Variants in FNDC3B observed in about 807,000 individuals in gnomAD.
FNDC3B encodes the protein fibronectin type III domain-containing protein 3B.
FNDC3B carries 12 observed loss-of-function variants against 151.5 expected under a neutral mutation model. The observed-to-expected ratio is 0.08, with a 90% CI of 0.05 to 0.13. The LOEUF is 0.13. Ranked by LOEUF, FNDC3B falls within the 10% of genes least tolerant of loss-of-function variation. The pLI is 1.00. For missense variants in FNDC3B, 1,214 were observed against 1,505.3 expected (o/e 0.81, Z 3.20); for synonymous variants, 528 against 549.0 (o/e 0.96, Z 0.54).
At chr3:172,150,704 G>A (rs999045395) in intron 3 of FNDC3B, among the ~76,000 whole-genome samples, 18 of 151,880 alleles carry the variant, frequency 1.2e-4, no homozygotes, top group Admixed American at 7.2e-4. Flanking sequence ...ACTTGGAATC[G>A]GTGAAATATG....
intron 4 of FNDC3B, among the ~76,000 whole-genome samples, chr3:172,229,966 A>G (rs1307677819): frequency 6.6e-6 from 1 of 152,192 alleles, no homozygotes; most frequent in Non-Finnish European, 1.5e-5. Flanking sequence ...ACATGCAAAA[A>G]GAGTGAAGTT....
At chr3:172,256,522 A>T (rs565814761) in intron 6 of FNDC3B, among the ~76,000 whole-genome samples, 1 of 152,354 alleles carries the variant, frequency 6.6e-6, no homozygotes, top group African/African-American at 2.4e-5. Flanking sequence ...CAGTTAAAAT[A>T]GTCACATTGC....
At chr3:172,251,219 A>G in intron 5 of FNDC3B, 41 bp from the exon 6 acceptor site, 1 of 1,475,000 alleles carries the variant, frequency 6.8e-7, no homozygotes, top group Non-Finnish European at 9.3e-7. Flanking sequence ...ATTATTGAAA[A>G]TGTAAACTGA....
At chr3:172,116,540 T>G (rs1423739009) in intron 2 of FNDC3B, among the ~76,000 whole-genome samples, 1 of 152,188 alleles carries the variant, frequency 6.6e-6, no homozygotes, top group Non-Finnish European at 1.5e-5. Flanking sequence ...ACATTTGGTC[T>G]TTTGTGTCTG....
At chr3:172,243,397 A>G (rs1218922261) in intron 4 of FNDC3B, among the ~76,000 whole-genome samples, 1 of 152,224 alleles carries the variant, frequency 6.6e-6, no homozygotes, top group Non-Finnish European at 1.5e-5. Context: ...AATTGGACTT[A>G]CAGTTTCATG....
intron 3 of FNDC3B, among the ~76,000 whole-genome samples, chr3:172,224,187 CA>C (rs1450470715): frequency 6.6e-6 from 1 of 152,124 alleles, no homozygotes; most frequent in Non-Finnish European, 1.5e-5. Context: ...AATTCAAATA[CA>C]AATATTAAGT....
At chr3:172,346,520 C>G in intron 20 of FNDC3B, 80 bp downstream of exon 20, 2 of 791,532 alleles carry the variant, frequency 2.5e-6, no homozygotes, top group Non-Finnish European at 4.1e-6. Flanking sequence ...AAGGAAGCTG[C>G]AAATCCAAAA....
intron 11 of FNDC3B, among the ~76,000 whole-genome samples, chr3:172,322,940 A>T (rs1333128393): frequency 6.6e-6 from 1 of 152,160 alleles, no homozygotes; most frequent in East Asian, 1.9e-4. Flanking sequence ...TCTCCAGTTA[A>T]TGTCTCTGCC....
chr3:172,207,927 A>T (rs1725514495), intron 3 of FNDC3B, among the ~76,000 whole-genome samples: 1 of 152,202 alleles, frequency 6.6e-6, no homozygotes, highest in South Asian at 2.1e-4. Context: ...GGCCTGGGCA[A>T]CAAGAGCAAA....
At chr3:172,230,069 A>T (rs1347600283) in intron 4 of FNDC3B, among the ~76,000 whole-genome samples, 1 of 152,200 alleles carries the variant, frequency 6.6e-6, no homozygotes, top group Non-Finnish European at 1.5e-5. Flanking sequence ...GAGATACAAA[A>T]TTTTATAACC....
At chr3:172,064,994 G>A (rs1213644589) in intron 1 of FNDC3B, among the ~76,000 whole-genome samples, 2 of 152,114 alleles carry the variant, frequency 1.3e-5, no homozygotes, top group African/African-American at 4.8e-5. Context: ...CATGTTTATT[G>A]CAACCTTATG....
At chr3:172,165,018 A>G (rs1722943276) in intron 3 of FNDC3B, among the ~76,000 whole-genome samples, 1 of 152,104 alleles carries the variant, frequency 6.6e-6, no homozygotes, top group African/African-American at 2.4e-5. Context: ...TTATGGTTTT[A>G]TTTGTTTGTT....
chr3:172,287,232 G>A (rs1446445995), intron 7 of FNDC3B, among the ~76,000 whole-genome samples: 1 of 152,036 alleles, frequency 6.6e-6, no homozygotes, highest in Non-Finnish European at 1.5e-5. Context: ...TGTCTTTCCC[G>A]GTCTGTGGTT....
At chr3:172,064,234 C>T (rs543321066) in intron 1 of FNDC3B, among the ~76,000 whole-genome samples, 2 of 152,232 alleles carry the variant, frequency 1.3e-5, no homozygotes, top group East Asian at 3.9e-4. Flanking sequence ...ATCTGTGAAC[C>T]AGGAAAGGAG....
chr3:172,094,356 G>A (rs1043934110), intron 1 of FNDC3B, among the ~76,000 whole-genome samples: 4 of 152,184 alleles, frequency 2.6e-5, no homozygotes, highest in African/African-American at 9.7e-5. Context: ...TCTACTTTCT[G>A]TCTACATTTG....
chr3:172,346,773 G>T (rs1229581354), intron 20 of FNDC3B, among the ~76,000 whole-genome samples: 2 of 151,848 alleles, frequency 1.3e-5, no homozygotes, highest in Admixed American at 6.6e-5. Flanking sequence ...GCACAATCTC[G>T]GCTCACTGCA....
intron 3 of FNDC3B, among the ~76,000 whole-genome samples, chr3:172,197,522 T>C (rs1043391375): frequency 2.0e-5 from 3 of 152,194 alleles, no homozygotes; most frequent in Admixed American, 6.5e-5. Flanking sequence ...TCAGACCCCA[T>C]TGAGGTTTCG....
rs578070789 is a variant in FNDC3B, at chr3:172,326,721, C to T, written c.1255-2231C>T. 6.6e-4 allele frequency among the ~76,000 whole-genome samples: 101 copies of T among 152,290 alleles called. 1 individual carries two copies. Among genetic ancestry groups the T allele is most frequent in the Non-Finnish European group, 1.3e-3 (88 of 68,020 alleles). ...TCTCTTAAAAGTCATTTCTCCCCTT[C>T]GAACCCTCCCCAGTCTTTTTCTCGT... On this transcript the variant is annotated intron_variant, in intron 11 of 25. Coordinates refer to ENST00000415807, the MANE Select transcript of FNDC3B (RefSeq NM_022763.4).
In FNDC3B at chr3:172,397,394, G is replaced by A; in HGVS notation, c.3534G>A (p.Gln1178=). The stretch of plus-strand genomic sequence containing the variant: ...AGAGCATGATGCCTACTGATGAACA[G>A]TTTGCAGCCATCATTGTGCTTGGCT... ...KMKSMMPTDE[Q]FAAIIVLGFA... The change falls in exon 26 of 26, where the codon CAG becomes CAA. Residue 1178 remains glutamine, a synonymous_variant. Coordinates refer to ENST00000415807, the MANE Select transcript of FNDC3B (RefSeq NM_022763.4). 5.0e-6 allele frequency: 8 copies of A among 1,614,078 alleles called. No individual in the cohort carries two copies. Among genetic ancestry groups the A allele is most frequent in the Non-Finnish European group, 5.9e-6 (7 of 1,179,976 alleles).
Sources: allele counts gnomAD v4.1 joint callset (sites outside exome capture counted in the v4.1 genomes callset), GRCh38; gene constraint gnomAD v4.1.1; transcripts MANE v1.5; gene names NCBI Gene and HGNC (gene_info 2026-07-23, HGNC 2026-07-21).